CDYL: variants seen among roughly 807,000 people sequenced by gnomAD.
The protein encoded by CDYL is chromodomain Y like, also known as chromodomain Y-like protein.
A neutral mutation model predicts 47.3 loss-of-function variants in CDYL; 8 were observed. That is an observed-to-expected ratio of 0.17 (90% CI 0.10 to 0.31). CDYL has a LOEUF of 0.31. Ranked by LOEUF, CDYL falls within the 10% of genes least tolerant of loss-of-function variation. The pLI, the probability that CDYL is intolerant of heterozygous loss-of-function variation, is 1.00. For missense variants in CDYL, 471 were observed against 701.4 expected (o/e 0.67, Z 3.71); for synonymous variants, 266 against 265.0 (o/e 1.00, Z -0.04).
chr6:4,858,407 C>T (rs1355922222), intron 1 of CDYL, among the ~76,000 whole-genome samples: 1 of 152,190 alleles, frequency 6.6e-6, no homozygotes, highest in East Asian at 1.9e-4. Flanking sequence ...ATGTTTCACA[C>T]CCAAACACTT....
chr6:4,938,711 A>G (rs1177624755), intron 4 of CDYL, among the ~76,000 whole-genome samples: 1 of 152,178 alleles, frequency 6.6e-6, no homozygotes, highest in Non-Finnish European at 1.5e-5. Context: ...TCATATATAC[A>G]CACAAATAGT....
chr6:4,731,947 G>A (rs11751481), intron 2 of CDYL, among the ~76,000 whole-genome samples: 1 of 152,020 alleles, frequency 6.6e-6, no homozygotes, highest in Non-Finnish European at 1.5e-5. Context: ...AATTACATGA[G>A]GTCATTTTAT....
At chr6:4,780,235 TTCTC>T (rs1330594612) in intron 1 of CDYL, among the ~76,000 whole-genome samples, 8 of 151,584 alleles carry the variant, frequency 5.3e-5, no homozygotes, top group Non-Finnish European at 1.2e-4. Context: ...CTTTCTTTCT[TTCTC>T]TTTTTTTTTT....
chr6:4,716,666 C>A (rs1000320466), intron 2 of CDYL, among the ~76,000 whole-genome samples: 8 of 144,266 alleles, frequency 5.5e-5, no homozygotes, highest in African/African-American at 2.1e-4. Flanking sequence ...AGATAGAATG[C>A]AAAAGTGGTT....
chr6:4,735,399 G>A (rs1757684911), intron 3 of CDYL, among the ~76,000 whole-genome samples: 1 of 152,108 alleles, frequency 6.6e-6, no homozygotes, highest in South Asian at 2.1e-4. Flanking sequence ...ATTTGAAAAT[G>A]TGTACTCTAG....
At chr6:4,876,513 T>C (rs1031756436) in intron 1 of CDYL, among the ~76,000 whole-genome samples, 5 of 151,670 alleles carry the variant, frequency 3.3e-5, no homozygotes, top group African/African-American at 9.7e-5. Flanking sequence ...TTGGCCATTC[T>C]GATGGGCATG....
At chr6:4,839,269 TG>T (rs1760417454) in intron 1 of CDYL, among the ~76,000 whole-genome samples, 1 of 152,218 alleles carries the variant, frequency 6.6e-6, no homozygotes, top group African/African-American at 2.4e-5. Flanking sequence ...TTGATGTGAT[TG>T]TTTTTTTCTT....
intron 1 of CDYL, among the ~76,000 whole-genome samples, chr6:4,777,030 G>GT (rs200325395): frequency 0.016 from 2,320 of 149,036 alleles, 39 homozygotes; most frequent in African/African-American, 0.035. Flanking sequence ...GGGTGGGGGG[G>GT]GGGGTCCCAG....
intron 1 of CDYL, among the ~76,000 whole-genome samples, chr6:4,891,048 G>C (rs1305307409): frequency 6.6e-6 from 1 of 152,164 alleles, no homozygotes; most frequent in African/African-American, 2.4e-5. Context: ...TGATAAATTT[G>C]ATCCAAAATG....
intron 1 of CDYL, among the ~76,000 whole-genome samples, chr6:4,706,883 A>G (rs1021812015): frequency 2.0e-5 from 3 of 152,212 alleles, no homozygotes; most frequent in Non-Finnish European, 2.9e-5. Flanking sequence ...AATGTAAAGC[A>G]TTCAGATTTT....
intron 2 of CDYL, among the ~76,000 whole-genome samples, chr6:4,923,900 CAAAA>C (rs56004373): frequency 7.1e-5 from 7 of 99,074 alleles, no homozygotes; most frequent in Admixed American, 3.1e-4. Flanking sequence ...GACTCCGTCT[CAAAA>C]AAAAAAAAAA....
upstream of CDYL, chr6:4,775,311 T>G (rs546092158): frequency 2.0e-5 from 3 of 151,428 alleles, no homozygotes; most frequent in Admixed American, 6.6e-5. This position sits in a 1 kb window ranked among gnomAD's most constrained non-coding sequence, Gnocchi z 7.0. Context: ...TCTGGGGGAG[T>G]TGGGTCAGGA....
chr6:4,927,643 T>G (rs1158265033), intron 2 of CDYL, among the ~76,000 whole-genome samples: 6 of 152,186 alleles, frequency 3.9e-5, no homozygotes, highest in Non-Finnish European at 1.5e-5. Context: ...CTCAAACTCC[T>G]GACCTGAAGT....
chr6:4,739,393 C>T (rs1757757272), intron 3 of CDYL, among the ~76,000 whole-genome samples: 1 of 150,494 alleles, frequency 6.6e-6, no homozygotes, highest in African/African-American at 2.4e-5. Flanking sequence ...GTGGCAGGCA[C>T]CTGTAATCCC....
At chr6:4,826,173 T>G (rs1759976535) in intron 1 of CDYL, among the ~76,000 whole-genome samples, 1 of 152,232 alleles carries the variant, frequency 6.6e-6, no homozygotes, top group South Asian at 2.1e-4. Flanking sequence ...ATATTTACCT[T>G]ATGAGCAGGT....
intron 2 of CDYL, among the ~76,000 whole-genome samples, chr6:4,902,140 T>C (rs1224635874): frequency 6.6e-6 from 1 of 152,104 alleles, no homozygotes; most frequent in Non-Finnish European, 1.5e-5. Context: ...GGCTCACACC[T>C]GTAATCCCAA....
At chr6:4,921,695 C>G (rs564907204) in intron 2 of CDYL, among the ~76,000 whole-genome samples, 8 of 152,302 alleles carry the variant, frequency 5.3e-5, no homozygotes, top group African/African-American at 1.9e-4. Context: ...TGTTTCCATC[C>G]TGGCTTTTCA....
At chr6:4,890,051 A>G (rs1371960875) in intron 1 of CDYL, 7 of 985,420 alleles carry the variant, frequency 7.1e-6, no homozygotes, top group Non-Finnish European at 8.4e-6. Context: ...CCTCGGCTCT[A>G]AGGAAACAGA....
chr6:4,832,420 T>C (rs1221497678), intron 1 of CDYL, among the ~76,000 whole-genome samples: 1 of 151,108 alleles, frequency 6.6e-6, no homozygotes, highest in Non-Finnish European at 1.5e-5. Flanking sequence ...ATCCCAGGGA[T>C]GAAGCCCACT....
Sources: allele counts gnomAD v4.1 joint callset (sites outside exome capture counted in the v4.1 genomes callset), GRCh38; gene constraint gnomAD v4.1.1; non-coding constraint Gnocchi (gnomAD v3.1); transcripts MANE v1.5; gene names NCBI Gene and HGNC (gene_info 2026-07-23, HGNC 2026-07-21).